Variants in CACNA2D1 observed in about 807,000 individuals in gnomAD.
The protein encoded by CACNA2D1 is calcium voltage-gated channel auxiliary subunit alpha2delta 1.
A neutral mutation model predicts 171.5 loss-of-function variants in CACNA2D1; 53 were observed. The ratio of observed to expected loss-of-function variants is 0.31; its 90% CI spans 0.25 to 0.39. CACNA2D1 has a LOEUF of 0.39. Among genes scored for constraint, CACNA2D1 ranks in the 10% least tolerant of loss-of-function variants. The probability of loss-of-function intolerance (pLI) is 1.00; values close to 1 mark genes in which losing one functional copy is unlikely to be tolerated. For synonymous variants in CACNA2D1, 442 were observed against 443.1 expected (o/e 1.00, Z 0.03); for missense variants, 903 against 1,299.8 (o/e 0.69, Z 4.69).
chr7:82,085,466 T>C (rs1810343691), intron 6 of CACNA2D1, among the ~76,000 whole-genome samples: 1 of 150,966 alleles, frequency 6.6e-6, no homozygotes, highest in Non-Finnish European at 1.5e-5. Context: ...AAGACCACAG[T>C]AATCAACTAT....
At chr7:82,205,089 C>T (rs113456931) in intron 3 of CACNA2D1, among the ~76,000 whole-genome samples, 18 of 152,270 alleles carry the variant, frequency 1.2e-4, no homozygotes, top group African/African-American at 4.3e-4. Context: ...CCCAGGCTCA[C>T]TTGCATCCAG....
intron 12 of CACNA2D1, chr7:82,021,021 TATG>T (rs1801134255): frequency 6.6e-6 from 1 of 152,174 alleles, no homozygotes; most frequent in African/African-American, 2.4e-5. Flanking sequence ...ATTTTCATAC[TATG>T]ATATTTTTAA....
At chr7:82,083,505 A>C (rs1362013549) in intron 7 of CACNA2D1, among the ~76,000 whole-genome samples, 2 of 152,014 alleles carry the variant, frequency 1.3e-5, no homozygotes, top group African/African-American at 4.8e-5. Flanking sequence ...TAAACTAACA[A>C]GATTATGTTT....
At chr7:82,113,513 TTAAA>T (rs1788683892) in intron 6 of CACNA2D1, among the ~76,000 whole-genome samples, 2 of 152,252 alleles carry the variant, frequency 1.3e-5, no homozygotes, top group East Asian at 1.9e-4. Context: ...CTCTAAAACT[TTAAA>T]TATATCATTG....
intron 6 of CACNA2D1, among the ~76,000 whole-genome samples, chr7:82,089,034 T>A (rs181024866): frequency 3.3e-5 from 5 of 152,296 alleles, no homozygotes; most frequent in African/African-American, 7.2e-5. Context: ...AATGCTCTCC[T>A]GCTGCGTGGC....
Position 81,968,990 on chromosome 7 carries a change from T to A in CACNA2D1, c.2309-17A>T. Reference sequence around the variant, plus strand: ...GTCCACTTTCTAAAAAAAAAATAAATAAATAAAACACCTATCAAGATATAT... The same window carrying A: ...GTCCACTTTCTAAAAAAAAAATAAAAAAATAAAACACCTATCAAGATATAT... On this transcript the variant is annotated splice_polypyrimidine_tract_variant and intron_variant, in intron 28 of 38. Transcript: ENST00000356860. 7.9e-7 allele frequency: 1 copy of A among 1,267,104 alleles called. No homozygotes were observed. Among genetic ancestry groups the A allele is most frequent in the Non-Finnish European group, 1.2e-6 (1 of 869,048 alleles). 78.5% of individuals were successfully genotyped at this position (1,267,104 alleles called of 1,614,324 possible).
At chr7:82,208,032 G>A (rs1330467239) in intron 3 of CACNA2D1, among the ~76,000 whole-genome samples, 1 of 152,094 alleles carries the variant, frequency 6.6e-6, no homozygotes, top group Non-Finnish European at 1.5e-5. Flanking sequence ...CTGACTTGCT[G>A]TGAACTTGTG....
intron 3 of CACNA2D1, among the ~76,000 whole-genome samples, chr7:82,291,757 A>G (rs1008466465): frequency 1.3e-5 from 2 of 150,040 alleles, no homozygotes; most frequent in Admixed American, 6.7e-5. Flanking sequence ...CTTCTGCCTC[A>G]ACCTCCCAAA....
At chr7:82,091,707 A>G (rs1006118883) in intron 6 of CACNA2D1, among the ~76,000 whole-genome samples, 2 of 152,210 alleles carry the variant, frequency 1.3e-5, no homozygotes, top group Non-Finnish European at 2.9e-5. Flanking sequence ...CCTCAGAAAT[A>G]TAGGAGCCCC....
intron 3 of CACNA2D1, among the ~76,000 whole-genome samples, chr7:82,215,323 G>A (rs1800986432): frequency 6.6e-6 from 1 of 152,084 alleles, no homozygotes; most frequent in Non-Finnish European, 1.5e-5. Flanking sequence ...CCATCCCCTT[G>A]GCTGCAGCAT....
At chr7:82,428,522 G>T (rs565629135) in intron 1 of CACNA2D1, among the ~76,000 whole-genome samples, 2 of 152,122 alleles carry the variant, frequency 1.3e-5, no homozygotes, top group African/African-American at 4.8e-5. Context: ...GAAAACAGTA[G>T]TCTTTACTAA....
At chr7:82,097,962 A>G (rs944387609) in intron 6 of CACNA2D1, among the ~76,000 whole-genome samples, 1 of 151,896 alleles carries the variant, frequency 6.6e-6, no homozygotes, top group African/African-American at 2.4e-5. Context: ...AAAAATACAA[A>G]AATTACTCGG....
At chr7:82,076,056 T>C (rs1213352684) in intron 7 of CACNA2D1, among the ~76,000 whole-genome samples, 1 of 152,182 alleles carries the variant, frequency 6.6e-6, no homozygotes, top group Non-Finnish European at 1.5e-5. Context: ...AAATCAATCA[T>C]TTAGTCAGTT....
At position 81,970,592 on chromosome 7, in the gene CACNA2D1, T is replaced by C. The variant is rs1211178213; in HGVS notation, c.2204+83A>G. On this transcript the variant is annotated intron_variant, in intron 27 of 38. Coordinates refer to ENST00000356860, the MANE Select transcript of CACNA2D1 (RefSeq NM_000722.4). ...AATGGCAATCAGTTTATTTGAAGAATGGCTTCCTTAAGCAGTAATGTACAA... is the reference window on the plus strand; with the variant it reads ...AATGGCAATCAGTTTATTTGAAGAACGGCTTCCTTAAGCAGTAATGTACAA... The C allele has an allele frequency of 3.8e-6, 3 of 795,198 alleles. No homozygotes were observed. In the Admixed American group the frequency reaches 5.1e-5, roughly 14 times the overall value. 49.3% of individuals were successfully genotyped at this position (795,198 alleles called of 1,614,324 possible).
intron 3 of CACNA2D1, among the ~76,000 whole-genome samples, chr7:82,223,875 AG>A (rs2129259101): frequency 1.3e-5 from 2 of 152,190 alleles, no homozygotes; most frequent in South Asian, 4.1e-4. Flanking sequence ...CCTGCCTGTT[AG>A]GGCTGACATG....
At chr7:82,323,157 T>C (rs1816200012) in intron 3 of CACNA2D1, among the ~76,000 whole-genome samples, 1 of 152,120 alleles carries the variant, frequency 6.6e-6, no homozygotes, top group Non-Finnish European at 1.5e-5. Context: ...AATAAAGAGG[T>C]TGGCCTTGGA....
At chr7:82,248,691 C>T (rs1447207828) in intron 3 of CACNA2D1, among the ~76,000 whole-genome samples, 1 of 151,962 alleles carries the variant, frequency 6.6e-6, no homozygotes, top group African/African-American at 2.4e-5. Flanking sequence ...AATTATAAAA[C>T]AGAGCATTGA....
intron 3 of CACNA2D1, among the ~76,000 whole-genome samples, chr7:82,332,338 G>A (rs1420901364): frequency 1.3e-5 from 2 of 152,132 alleles, no homozygotes; most frequent in Admixed American, 6.5e-5. Context: ...TTACTGGCAT[G>A]AGCCACTGCA....
In CACNA2D1 at chr7:82,177,685, A is replaced by C. The variant is rs1195145243; in HGVS notation, c.295-7076T>G. 9.9e-5 allele frequency among the ~76,000 whole-genome samples: 15 copies of C among 152,244 alleles called. No homozygotes were observed. In the South Asian group the frequency reaches 2.9e-3, roughly 29 times the overall value. On this transcript the variant is annotated intron_variant, in intron 3 of 38. Coordinates refer to ENST00000356860, the MANE Select transcript of CACNA2D1 (RefSeq NM_000722.4). ...TAGAATAGGTATTATTTCTTAATAC[A>C]AACCTACCTATTCCTTCACTCCATC...
Sources: allele counts gnomAD v4.1 joint callset (sites outside exome capture counted in the v4.1 genomes callset), GRCh38; gene constraint gnomAD v4.1.1; transcripts MANE v1.5; gene names NCBI Gene and HGNC (gene_info 2026-07-23, HGNC 2026-07-21).